The following FGF5 variants were observed in gnomAD, a reference collection of about 807,000 sequenced individuals.
The protein encoded by FGF5 is heparin-binding growth factor 5.
In FGF5, 23 loss-of-function variants were observed where a neutral mutation model predicts 21.8. That is an observed-to-expected ratio of 1.05 (90% CI 0.76 to 1.49). FGF5 has a LOEUF of 1.49. FGF5 is among the 40% of genes most tolerant of loss of function. FGF5 has a pLI of 0.00. For synonymous variants in FGF5, 158 were observed against 124.0 expected (o/e 1.27, Z -1.82); for missense variants, 352 against 332.9 (o/e 1.06, Z -0.45).
chr4:80,288,892 T>C lies in FGF5; in HGVS notation c.*2220T>C, dbSNP rs891612354. ...TAGGATAGCTACTAAATATATATTA[T>C]GCAAGTCAGGAATCATTAATTTCAA... On this transcript the variant is annotated 3_prime_UTR_variant, in exon 3 of 3. Transcript: ENST00000312465. 2 of 152,512 alleles carry C rather than the reference T, an allele frequency of 1.3e-5. No individual in the cohort carries two copies. Among genetic ancestry groups the C allele is most frequent in the Non-Finnish European group, 1.5e-5 (1 of 68,018 alleles). 9.4% of individuals were successfully genotyped at this position (152,512 alleles called of 1,614,324 possible).
chr4:80,274,009 C>A (rs1720340031), intron 1 of FGF5, among the ~76,000 whole-genome samples: 1 of 151,932 alleles, frequency 6.6e-6, no homozygotes, highest in Non-Finnish European at 1.5e-5. Flanking sequence ...ACACATTATG[C>A]TCTTTTCATG....
At chr4:80,271,138 G>C (rs566965931) in intron 1 of FGF5, among the ~76,000 whole-genome samples, 3 of 152,150 alleles carry the variant, frequency 2.0e-5, no homozygotes, top group Non-Finnish European at 4.4e-5. Context: ...TGGAATATCT[G>C]TGCTTTTCTA....
intron 1 of FGF5, 27 bp downstream of exon 1, chr4:80,267,206 C>G: frequency 6.5e-7 from 1 of 1,541,338 alleles, no homozygotes; most frequent in Non-Finnish European, 8.8e-7. Flanking sequence ...CCTACAAAAC[C>G]CGTCCTAGGC....
chr4:80,273,155 T>G (rs1158278877), intron 1 of FGF5, among the ~76,000 whole-genome samples: 1 of 151,914 alleles, frequency 6.6e-6, no homozygotes, highest in Non-Finnish European at 1.5e-5. Context: ...AAGGAAAGGA[T>G]TTATACAGCA....
At chr4:80,279,735 A>G (rs1720504887) in intron 2 of FGF5, among the ~76,000 whole-genome samples, 1 of 152,232 alleles carries the variant, frequency 6.6e-6, no homozygotes, top group South Asian at 2.1e-4. Context: ...CTTTTCATAA[A>G]GTATGCAGAA....
intron 2 of FGF5, among the ~76,000 whole-genome samples, chr4:80,285,659 G>T (rs1482607663): frequency 6.6e-6 from 1 of 152,180 alleles, no homozygotes; most frequent in Non-Finnish European, 1.5e-5. Flanking sequence ...TTTTGTGTGT[G>T]TGTAAGATCT....
chr4:80,286,278 G>T (rs1457018947), intron 2 of FGF5, 47 bp from the exon 3 acceptor site: 1 of 1,339,976 alleles, frequency 7.5e-7, no homozygotes, highest in Non-Finnish European at 1.0e-6. Flanking sequence ...ATTACATGCT[G>T]AAAAGATCGC....
chr4:80,269,179 C>T (rs1720199893), intron 1 of FGF5, among the ~76,000 whole-genome samples: 1 of 152,136 alleles, frequency 6.6e-6, no homozygotes, highest in Non-Finnish European at 1.5e-5. Flanking sequence ...TGTCTCCTGG[C>T]TATGTTTCCA....
Position 80,266,818 on chromosome 4 carries a change from TG to T in FGF5, c.-5del. The T allele has an allele frequency of 6.4e-7, 1 of 1,569,292 alleles. No homozygotes were observed. The highest frequency in any genetic ancestry group is 8.6e-7 in the Non-Finnish European group (1 of 1,159,746). On this transcript the variant is annotated 5_prime_UTR_variant, in exon 1 of 3. Coordinates refer to ENST00000312465, the MANE Select transcript of FGF5 (RefSeq NM_004464.4). Reference sequence around the variant, plus strand: ...AAGATGCACTTAGGACCCCCGCGGCTGGAAGAATGAGCTTGTCCTTCCTCCT... The same window carrying T: ...AAGATGCACTTAGGACCCCCGCGGCTGAAGAATGAGCTTGTCCTTCCTCCT...
rs549317468 is a variant in FGF5, at chr4:80,287,329, T to C, written c.*657T>C. On this transcript the variant is annotated 3_prime_UTR_variant, in exon 3 of 3. Transcript: ENST00000312465. Reference sequence around the variant, plus strand: ...TACATTTTAAAATGTTTAAATTCTCTTTCACAGCACCAAAGGCTCAGCTTG... The same window carrying C: ...TACATTTTAAAATGTTTAAATTCTCCTTCACAGCACCAAAGGCTCAGCTTG... 6.6e-6 allele frequency: 1 copy of C among 152,220 alleles called. No individual in the cohort carries two copies. Among genetic ancestry groups the C allele is most frequent in the Non-Finnish European group, 1.5e-5 (1 of 68,040 alleles). 9.4% of individuals were successfully genotyped at this position (152,220 alleles called of 1,614,324 possible). A position where few individuals can be genotyped will look rare whatever the true frequency, so the allele number is the denominator to read the frequency against.
chr4:80,286,427 T>G lies in FGF5; in HGVS notation c.562T>G (p.Trp188Gly). The change falls in exon 3 of 3, where the codon TGG becomes GGG. Residue 188 changes from tryptophan to glycine, a missense_variant. Trp to Gly is a radical substitution (Grantham distance 184, BLOSUM62 -2). Coordinates refer to ENST00000312465, the MANE Select transcript of FGF5 (RefSeq NM_004464.4). ...TAGAACTGAAAAAACAGGGCGGGAGTGGTATGTGGCCCTGAATAAAAGAGG... is the reference window on the plus strand; with the variant it reads ...TAGAACTGAAAAAACAGGGCGGGAGGGGTATGTGGCCCTGAATAAAAGAGG... Reference protein sequence around the residue: ...IHRTEKTGREWYVALNKRGKA... With the variant: ...IHRTEKTGREGYVALNKRGKA... 6.2e-7 allele frequency: 1 copy of G among 1,613,090 alleles called. No individual in the cohort carries two copies. Among genetic ancestry groups the G allele is most frequent in the Non-Finnish European group, 8.5e-7 (1 of 1,179,740 alleles).
rs1720780949 is a variant in FGF5 at position 80,287,881 on chromosome 4, T to C, written c.*1209T>C. On this transcript the variant is annotated 3_prime_UTR_variant, in exon 3 of 3. Coordinates refer to ENST00000312465, the MANE Select transcript of FGF5 (RefSeq NM_004464.4). ...CCCTTTTATAAGGAAACTTCTGATGTTTATTAAAAAAACTGGCCTTTTGAT... is the reference window on the plus strand; with the variant it reads ...CCCTTTTATAAGGAAACTTCTGATGCTTATTAAAAAAACTGGCCTTTTGAT... 6.6e-6 allele frequency: 1 copy of C among 152,170 alleles called. No individual in the cohort carries two copies. The highest frequency in any genetic ancestry group is 1.5e-5 in the Non-Finnish European group (1 of 68,008). The allele number at this position is 152,170 out of a possible 1,614,324, so 9.4% of individuals were successfully genotyped here.
chr4:80,281,580 C>A (rs1003668365), intron 2 of FGF5, among the ~76,000 whole-genome samples: 1 of 152,080 alleles, frequency 6.6e-6, no homozygotes, highest in African/African-American at 2.4e-5. Context: ...GGTGTCTGTT[C>A]AAATTCACTC....
At position 80,287,161 on chromosome 4, in the gene FGF5, T is replaced by A. The variant is rs1720758676; in HGVS notation, c.*489T>A. The A allele has an allele frequency of 6.5e-6, 1 of 153,168 alleles. No homozygotes were observed. The highest frequency in any genetic ancestry group is 1.5e-5 in the Non-Finnish European group (1 of 68,608). The allele number at this position is 153,168 out of a possible 1,614,324, so 9.5% of individuals were successfully genotyped here. A position where few individuals can be genotyped will look rare whatever the true frequency, so the allele number is the denominator to read the frequency against. Reference sequence around the variant, plus strand: ...TTTTATTATTTTAATTAATATGACATAAGCAATCATTTTATGCTGTTTATG... The same window carrying A: ...TTTTATTATTTTAATTAATATGACAAAAGCAATCATTTTATGCTGTTTATG... On this transcript the variant is annotated 3_prime_UTR_variant, in exon 3 of 3. Coordinates refer to ENST00000312465, the MANE Select transcript of FGF5 (RefSeq NM_004464.4).
intron 1 of FGF5, among the ~76,000 whole-genome samples, chr4:80,270,976 G>T (rs561609919): frequency 3.7e-4 from 57 of 152,292 alleles, no homozygotes; most frequent in Non-Finnish European, 6.0e-4. Flanking sequence ...AATTTAATCA[G>T]TGAAGACTGC....
intron 2 of FGF5, among the ~76,000 whole-genome samples, chr4:80,279,077 C>G (rs553295841): frequency 1.3e-5 from 2 of 152,130 alleles, no homozygotes; most frequent in African/African-American, 4.8e-5. Flanking sequence ...TACTGAAAGT[C>G]CCCTAGAGAG....
At chr4:80,280,596 G>A (rs1436060713) in intron 2 of FGF5, among the ~76,000 whole-genome samples, 2 of 152,112 alleles carry the variant, frequency 1.3e-5, no homozygotes, top group Non-Finnish European at 2.9e-5. Context: ...TAAATGCAGG[G>A]TGATAGATGG....
intron 2 of FGF5, among the ~76,000 whole-genome samples, chr4:80,275,371 T>G (rs1720381960): frequency 6.6e-6 from 1 of 151,962 alleles, no homozygotes; most frequent in Non-Finnish European, 1.5e-5. Flanking sequence ...TGACTGTATT[T>G]GTGCTAAGTA....
Position 80,266,791 on chromosome 4 carries a change from A to T in FGF5, c.-34A>T, listed in dbSNP as rs760306143. On this transcript the variant is annotated 5_prime_UTR_variant, in exon 1 of 3. Transcript: ENST00000312465. ...GGCTACAGAGCCCAGAATCAGCCCTACAAGATGCACTTAGGACCCCCGCGG... is the reference window on the plus strand; with the variant it reads ...GGCTACAGAGCCCAGAATCAGCCCTTCAAGATGCACTTAGGACCCCCGCGG... The T allele has an allele frequency of 6.6e-7, 1 of 1,522,950 alleles. No individual in the cohort carries two copies. Among genetic ancestry groups the T allele is most frequent in the Admixed American group, 2.0e-5 (1 of 49,598 alleles). The allele number at this position is 1,522,950 out of a possible 1,614,324, so 94.3% of individuals were successfully genotyped here.
Sources: allele counts gnomAD v4.1 joint callset (sites outside exome capture counted in the v4.1 genomes callset), GRCh38; gene constraint gnomAD v4.1.1; transcripts MANE v1.5; gene names NCBI Gene and HGNC (gene_info 2026-07-23, HGNC 2026-07-21).